The following CNTN6 variants were observed in gnomAD, a reference collection of about 807,000 sequenced individuals.
CNTN6 encodes contactin-6.
Under a neutral mutation model 122.8 loss-of-function variants are expected in CNTN6, and 137 were observed. The observed-to-expected ratio is 1.12, with a 90% CI of 0.97 to 1.29. CNTN6 has a LOEUF of 1.29. CNTN6 is among the 50% of genes most tolerant of loss of function. CNTN6 has a pLI of 0.00. For synonymous variants in CNTN6, 570 were observed against 426.0 expected (o/e 1.34, Z -4.16); for missense variants, 1,634 against 1,223.4 (o/e 1.34, Z -5.01).
intron 16 of CNTN6, among the ~76,000 whole-genome samples, chr3:1,375,901 A>C (rs1709788865): frequency 6.6e-6 from 1 of 152,100 alleles, no homozygotes; most frequent in Non-Finnish European, 1.5e-5. Context: ...TGAAATGGAA[A>C]TAAATAAAAT....
intron 4 of CNTN6, among the ~76,000 whole-genome samples, chr3:1,264,101 G>A (rs1219519644): frequency 2.6e-5 from 4 of 151,976 alleles, no homozygotes; most frequent in African/African-American, 9.7e-5. Flanking sequence ...GGTAAACAGG[G>A]CCATATCATA....
At chr3:1,313,127 A>G (rs1314957756) in intron 7 of CNTN6, among the ~76,000 whole-genome samples, 2 of 152,032 alleles carry the variant, frequency 1.3e-5, no homozygotes, top group Non-Finnish European at 2.9e-5. Flanking sequence ...ACCTACCTAT[A>G]CCAAATTATC....
chr3:1,100,564 A>G (rs766301916), intron 1 of CNTN6, among the ~76,000 whole-genome samples: 3 of 152,032 alleles, frequency 2.0e-5, no homozygotes, highest in Non-Finnish European at 4.4e-5. Flanking sequence ...ATTCTCAGCT[A>G]TTATATATTT....
chr3:1,400,283 G>T (rs1160497540), intron 20 of CNTN6, among the ~76,000 whole-genome samples: 4 of 151,996 alleles, frequency 2.6e-5, no homozygotes, highest in Non-Finnish European at 5.9e-5. Context: ...TGTGGACTCA[G>T]ATAAGCAGCA....
At chr3:1,272,591 T>C (rs1001978141) in intron 4 of CNTN6, among the ~76,000 whole-genome samples, 2 of 152,238 alleles carry the variant, frequency 1.3e-5, no homozygotes, top group Non-Finnish European at 2.9e-5. Context: ...TATGTCCTAC[T>C]GTAAGCATGC....
rs528029977 is a variant in CNTN6, at chr3:1,153,076, C to T, written c.55+5013C>T. Among the ~76,000 whole-genome samples the T allele has an allele frequency of 2.0e-5, 3 of 152,104 alleles. No individual in the cohort carries two copies. The South Asian group carries it at 6.2e-4, about 32-fold the overall frequency. ...CATTCACTTGGTTCATAAATATAAC[C>T]ACTTTTTTGTCATTTGTGTTTGTTT... is the stretch of plus-strand genomic sequence containing the variant. On this transcript the variant is annotated intron_variant, in intron 2 of 22. Transcript: ENST00000446702.
chr3:1,159,438 A>G (rs1163956586), intron 2 of CNTN6, among the ~76,000 whole-genome samples: 1 of 152,112 alleles, frequency 6.6e-6, no homozygotes, highest in Non-Finnish European at 1.5e-5. Context: ...AATGCAATTT[A>G]AAACTTATGA....
chr3:1,101,804 A>G (rs369289957), intron 1 of CNTN6, among the ~76,000 whole-genome samples: 1 of 152,148 alleles, frequency 6.6e-6, no homozygotes, highest in African/African-American at 2.4e-5. Context: ...AAGCCAGTGG[A>G]TGTTATTAGT....
chr3:1,364,163 G>A (rs995042648), intron 12 of CNTN6, among the ~76,000 whole-genome samples: 5 of 151,978 alleles, frequency 3.3e-5, no homozygotes, highest in Middle Eastern at 3.4e-3. Context: ...AATATGTAGC[G>A]TAATTTGAGA....
chr3:1,100,042 A>G (rs891799563), intron 1 of CNTN6, among the ~76,000 whole-genome samples: 4 of 152,136 alleles, frequency 2.6e-5, no homozygotes, highest in African/African-American at 9.7e-5. Flanking sequence ...TATTTGCACT[A>G]TTTATTTTTA....
intron 2 of CNTN6, among the ~76,000 whole-genome samples, chr3:1,179,020 G>C (rs1404512961): frequency 6.6e-6 from 1 of 152,152 alleles, no homozygotes; most frequent in African/African-American, 2.4e-5. Flanking sequence ...TGTACAAGAA[G>C]CACGGTGCCA....
At chr3:1,164,879 C>T (rs2093211552) in intron 2 of CNTN6, among the ~76,000 whole-genome samples, 1 of 152,164 alleles carries the variant, frequency 6.6e-6, no homozygotes, top group African/African-American at 2.4e-5. Context: ...AAATTAAGGA[C>T]TCAAGGTACA....
chr3:1,354,277 C>CTT (rs2126082083), intron 12 of CNTN6, among the ~76,000 whole-genome samples: 1 of 150,636 alleles, frequency 6.6e-6, no homozygotes, highest in African/African-American at 2.4e-5. Flanking sequence ...TTTATCTACA[C>CTT]TTTCAAGTAT....
At chr3:1,336,858 T>C (rs1703149008) in intron 11 of CNTN6, among the ~76,000 whole-genome samples, 1 of 151,994 alleles carries the variant, frequency 6.6e-6, no homozygotes, top group Non-Finnish European at 1.5e-5. Flanking sequence ...CTATATTCCA[T>C]TGTGGGAAAA....
intron 2 of CNTN6, among the ~76,000 whole-genome samples, chr3:1,162,782 G>A (rs1279619851): frequency 6.6e-6 from 1 of 152,216 alleles, no homozygotes; most frequent in African/African-American, 2.4e-5. Flanking sequence ...TGGGCTTGAA[G>A]AACTGGTTTC....
chr3:1,403,852 G>A lies in CNTN6; in HGVS notation c.*434G>A, dbSNP rs1212167436. The A allele has an allele frequency of 1.3e-5, 2 of 152,236 alleles. No individual in the cohort carries two copies. Among genetic ancestry groups the A allele is most frequent in the Admixed American group, 6.6e-5 (1 of 15,238 alleles). 9.4% of individuals were successfully genotyped at this position (152,236 alleles called of 1,614,324 possible). On this transcript the variant is annotated 3_prime_UTR_variant, in exon 23 of 23. Coordinates refer to ENST00000446702, the MANE Select transcript of CNTN6 (RefSeq NM_001289080.2). ...AATAAAATACAATTATTTGTTTATA[G>A]TTGGGATTCTTTAAAAATACAAACT...
intron 4 of CNTN6, among the ~76,000 whole-genome samples, chr3:1,272,882 T>C (rs1243079013): frequency 6.6e-6 from 1 of 152,220 alleles, no homozygotes; most frequent in Non-Finnish European, 1.5e-5. Context: ...AATTAGATGT[T>C]ACAATACTTG....
At chr3:1,277,341 G>GTTTTTTTTTTTTT (rs1559684658) in intron 4 of CNTN6, among the ~76,000 whole-genome samples, 1 of 66,108 alleles carries the variant, frequency 1.5e-5, no homozygotes, top group Non-Finnish European at 2.8e-5. Flanking sequence ...CTTTTAGTAG[G>GTTTTTTTTTTTTT]TTTTCTTTTT....
chr3:1,149,426 C>G (rs550834627), intron 2 of CNTN6, among the ~76,000 whole-genome samples: 1 of 152,170 alleles, frequency 6.6e-6, no homozygotes, highest in East Asian at 1.9e-4. Flanking sequence ...AAGGCAGAAA[C>G]ACAGTAATTG....
Sources: allele counts gnomAD v4.1 joint callset (sites outside exome capture counted in the v4.1 genomes callset), GRCh38; gene constraint gnomAD v4.1.1; transcripts MANE v1.5; gene names NCBI Gene and HGNC (gene_info 2026-07-23, HGNC 2026-07-21).